Variants in CCNJL observed in about 807,000 individuals in gnomAD.
CCNJL encodes the protein cyclin-J-like protein.
CCNJL carries 33 observed loss-of-function variants against 33.4 expected under a neutral mutation model. The ratio of observed to expected loss-of-function variants is 0.99; its 90% confidence interval spans 0.75 to 1.32. CCNJL has a LOEUF of 1.32. Among genes scored for constraint, CCNJL ranks in the 40% most tolerant of loss-of-function variants. The pLI is 0.00. For missense variants in CCNJL, 512 were observed against 499.7 expected, an observed-to-expected ratio of 1.02 and a Z score of -0.23; for synonymous variants, 227 against 220.9, an observed-to-expected ratio of 1.03 and a Z score of -0.24.
intron 2 of CCNJL, among the ~76,000 whole-genome samples, chr5:160,282,171 G>A (rs887210540): frequency 2.6e-5 from 4 of 152,168 alleles, no homozygotes; most frequent in African/African-American, 9.7e-5. Flanking sequence ...TTAACTAGCA[G>A]CAGATCCAGG....
chr5:160,282,967 A>G (rs1285424140), intron 2 of CCNJL, among the ~76,000 whole-genome samples: 1 of 12,186 alleles, frequency 8.2e-5, no homozygotes, highest in Non-Finnish European at 1.3e-4. Flanking sequence ...AGTCCTTGGA[A>G]TATATATATA....
chr5:160,282,992 TATATATATATATATATAC>T (rs1165919330), intron 2 of CCNJL, among the ~76,000 whole-genome samples: 806 of 60,190 alleles, frequency 0.013, 25 homozygotes, highest in East Asian at 0.056. Flanking sequence ...TATATATATA[TATATATATATATATATAC>T]ATATATATAT....
chr5:160,325,391 G>C (rs1239556525), intron 1 of CCNJL, among the ~76,000 whole-genome samples: 1 of 152,028 alleles, frequency 6.6e-6, no homozygotes, highest in African/African-American at 2.4e-5. Context: ...ATCGCCTGTT[G>C]CTCCCTGTCA....
chr5:160,278,594 G>A (rs375941906), intron 3 of CCNJL, among the ~76,000 whole-genome samples: 1 of 152,194 alleles, frequency 6.6e-6, no homozygotes. Context: ...AGACACGTGG[G>A]TGGGGGCGTC....
At chr5:160,255,512 C>T (rs371903109) in intron 5 of CCNJL, 37 bp downstream of exon 5, 1 of 1,606,158 alleles carries the variant, frequency 6.2e-7, no homozygotes, top group Non-Finnish European at 8.5e-7. Flanking sequence ...AGGAACCTCA[C>T]TATTTCAGAA....
At chr5:160,258,295 G>C (rs1223664599) in intron 4 of CCNJL, 6 of 744,758 alleles carry the variant, frequency 8.1e-6, no homozygotes, top group Admixed American at 7.1e-5. Context: ...CAAGTGGCTG[G>C]ATGGTATTCG....
In CCNJL at chr5:160,250,653, A is replaced by G. The variant is rs987446894; in HGVS notation, c.*2725T>C. On this transcript the variant is annotated 3_prime_UTR_variant, in exon 6 of 6. Transcript: ENST00000257536. ...GACATTTTTCATAACAGCTGATGCTATATCTCATCAATTCTACATATACAT... is the reference window on the plus strand; with the variant it reads ...GACATTTTTCATAACAGCTGATGCTGTATCTCATCAATTCTACATATACAT... 5 of 152,244 alleles carry G rather than the reference A, an allele frequency of 3.3e-5. No homozygotes were observed. The highest frequency in any genetic ancestry group is 6.5e-5 in the Admixed American group (1 of 15,290). 9.4% of individuals were successfully genotyped at this position (152,244 alleles called of 1,614,324 possible).
intron 2 of CCNJL, among the ~76,000 whole-genome samples, chr5:160,285,848 C>T (rs1762385196): frequency 6.6e-6 from 1 of 152,240 alleles, no homozygotes; most frequent in Admixed American, 6.5e-5. Flanking sequence ...TCTGAGCAGC[C>T]TTGCATAGAG....
chr5:160,318,421 A>C (rs749136093), intron 1 of CCNJL, among the ~76,000 whole-genome samples: 6 of 152,354 alleles, frequency 3.9e-5, no homozygotes, highest in Middle Eastern at 3.4e-3. Context: ...TTTCCTAATA[A>C]GGTCACATTG....
At chr5:160,266,114 G>C (rs2113278059) in intron 3 of CCNJL, among the ~76,000 whole-genome samples, 2 of 152,370 alleles carry the variant, frequency 1.3e-5, no homozygotes, top group South Asian at 4.1e-4. Context: ...GGACCGCCCA[G>C]TGGTACCCAG....
chr5:160,273,848 C>T (rs939107902), intron 3 of CCNJL, among the ~76,000 whole-genome samples: 9 of 151,842 alleles, frequency 5.9e-5, no homozygotes, highest in African/African-American at 1.7e-4. Flanking sequence ...GGGGTTTCCC[C>T]ATGTTGGCCA....
rs147988083 is a variant in CCNJL at position 160,321,075 on chromosome 5, TTTC to T, written n.207-5573_207-5571del. 2.7e-3 allele frequency among the ~76,000 whole-genome samples: 273 copies of T among 99,284 alleles called. 7 individuals are homozygous for T. The highest frequency in any genetic ancestry group is 0.017 in the African/African-American group (259 of 15,332). 65.1% of individuals were successfully genotyped at this position (99,284 alleles called of 152,430 possible). ...CTTTCTTTCTTTCTTTCTTTCTTTC[TTTC>T]TTTCTTTCTTTCCTTCTCTCTTTCT... On this transcript the variant is annotated intron_variant and non_coding_transcript_variant, in intron 1 of 7. Transcript: ENST00000377503.
chr5:160,307,024 A>C (rs939435147), intron 2 of CCNJL, among the ~76,000 whole-genome samples: 1 of 152,240 alleles, frequency 6.6e-6, no homozygotes, highest in African/African-American at 2.4e-5. Flanking sequence ...CACCACAGTC[A>C]ATGCTGTGCC....
intron 1 of CCNJL, among the ~76,000 whole-genome samples, chr5:160,320,790 TTTCTTTC>T (rs1561812377): frequency 1.2e-3 from 40 of 34,190 alleles, no homozygotes; most frequent in African/African-American, 3.1e-3. Flanking sequence ...CTTTCTTTCC[TTTCTTTC>T]TTTCTTTCTT....
Position 160,321,838 on chromosome 5 carries a change from G to A in CCNJL, n.207-6333C>T, listed in dbSNP as rs571221346. Among the ~76,000 whole-genome samples, 9 of 152,136 alleles carry A rather than the reference G, an allele frequency of 5.9e-5. 1 individual carries two copies. Among genetic ancestry groups the A allele is most frequent in the African/African-American group, 2.2e-4 (9 of 41,504 alleles). On this transcript the variant is annotated intron_variant and non_coding_transcript_variant, in intron 1 of 7. Coordinates refer to the CCNJL transcript ENST00000377503. ...GGTGCCACTGCACTCCAGCCTGGGC[G>A]ACAGAGTGAGACTCCGTCTCAAAAA... is the stretch of plus-strand genomic sequence containing the variant.
In CCNJL at chr5:160,284,797, G is replaced by C. The variant is rs578064162; in HGVS notation, c.67-4059C>G. Among the ~76,000 whole-genome samples, 7 of 152,288 alleles carry C rather than the reference G, an allele frequency of 4.6e-5. No individual in the cohort carries two copies. The East Asian group carries it at 1.3e-3, about 29-fold the overall frequency. On this transcript the variant is annotated intron_variant, in intron 2 of 5. Transcript: ENST00000257536. Reference sequence around the variant, plus strand: ...ATATGAAGAAATTGAGTTTCAAAAAGTCCCTGAGTCCCTGGGCTTTATCTA... The same window carrying C: ...ATATGAAGAAATTGAGTTTCAAAAACTCCCTGAGTCCCTGGGCTTTATCTA...
At chr5:160,300,999 T>C (rs1443011891) in intron 2 of CCNJL, among the ~76,000 whole-genome samples, 3 of 152,218 alleles carry the variant, frequency 2.0e-5, no homozygotes, top group Non-Finnish European at 4.4e-5. Flanking sequence ...CCTGGTGATA[T>C]GCAAGGTTCT....
intron 2 of CCNJL, among the ~76,000 whole-genome samples, chr5:160,301,259 T>C (rs1438602566): frequency 1.3e-5 from 2 of 152,176 alleles, no homozygotes; most frequent in Non-Finnish European, 2.9e-5. Flanking sequence ...TCAAAAGCAT[T>C]ACATTAAGTA....
intron 3 of CCNJL, chr5:160,261,232 C>T (rs1409307768): frequency 2.0e-5 from 3 of 152,350 alleles, no homozygotes; most frequent in Middle Eastern, 3.4e-3. Flanking sequence ...GAATCAACCA[C>T]GTCTCAGCAA....
Sources: allele counts gnomAD v4.1 joint callset (sites outside exome capture counted in the v4.1 genomes callset), GRCh38; gene constraint gnomAD v4.1.1; transcripts MANE v1.5; gene names NCBI Gene and HGNC (gene_info 2026-07-23, HGNC 2026-07-21).